DNAH10: variants seen among roughly 807,000 people sequenced by gnomAD.
DNAH10 encodes the protein dynein axonemal heavy chain 10, also known as axonemal beta dynein heavy chain 10.
A neutral mutation model predicts 506.6 loss-of-function variants in DNAH10; 348 were observed. That is an observed-to-expected ratio of 0.69 (90% CI 0.63 to 0.75). DNAH10 has a LOEUF of 0.75. Among genes scored for constraint, DNAH10 ranks in the 30% least tolerant of loss-of-function variants. The pLI is 0.00. For synonymous variants in DNAH10, 2,059 were observed against 2,198.6 expected (o/e 0.94, Z 1.78); for missense variants, 5,179 against 5,787.1 (o/e 0.89, Z 3.41).
intron 53 of DNAH10, among the ~76,000 whole-genome samples, chr12:123,894,147 G>A (rs1953116185): frequency 7.3e-6 from 1 of 137,548 alleles, no homozygotes; most frequent in Non-Finnish European, 1.5e-5. Context: ...TTAGAGTGCA[G>A]TGGCACCATC....
chr12:123,820,547 A>C (rs777394519), intron 23 of DNAH10, 33 bp from the exon 24 acceptor site: 2 of 1,595,264 alleles, frequency 1.3e-6, no homozygotes, highest in East Asian at 4.5e-5. Flanking sequence ...TTAAAATTGT[A>C]TTTATTCACT....
At chr12:123,799,927 T>C (rs1474529172) in intron 14 of DNAH10, among the ~76,000 whole-genome samples, 1 of 152,092 alleles carries the variant, frequency 6.6e-6, no homozygotes, top group African/African-American at 2.4e-5. Context: ...TGGGCTCAGA[T>C]CCGACCAAAG....
chr12:123,849,044 A>C (rs1455700194), intron 34 of DNAH10, among the ~76,000 whole-genome samples, 162 bp downstream of exon 34: 2 of 152,216 alleles, frequency 1.3e-5, no homozygotes, highest in Non-Finnish European at 2.9e-5. Flanking sequence ...GGGTTTCCAA[A>C]ATTATCATCA....
At chr12:123,932,194 T>G (rs540245744) in intron 76 of DNAH10, 86 bp downstream of exon 76, 251 of 1,506,048 alleles carry the variant, frequency 1.7e-4, no homozygotes, top group Non-Finnish European at 2.3e-4. Flanking sequence ...CTCTTTCCAT[T>G]GCCCAGCAGT....
chr12:123,806,962 G>A (rs1958700256), intron 18 of DNAH10, among the ~76,000 whole-genome samples: 2 of 152,120 alleles, frequency 1.3e-5, no homozygotes, highest in Admixed American at 1.3e-4. Context: ...TAGAGACGGA[G>A]TTCCACTGTG....
intron 39 of DNAH10, among the ~76,000 whole-genome samples, chr12:123,863,076 A>G (rs559525346): frequency 6.0e-4 from 92 of 152,340 alleles, no homozygotes; most frequent in African/African-American, 2.2e-3. Context: ...AAAAAAATAC[A>G]GGAAGGAAAT....
chr12:123,776,892 G>T (rs1215639883), intron 5 of DNAH10, among the ~76,000 whole-genome samples: 1 of 152,088 alleles, frequency 6.6e-6, no homozygotes. Flanking sequence ...CATTAACCAA[G>T]ATCAATGAGA....
chr12:123,804,112 G>A (rs542894108), intron 17 of DNAH10, among the ~76,000 whole-genome samples: 2 of 152,116 alleles, frequency 1.3e-5, no homozygotes, highest in East Asian at 3.9e-4. Context: ...GGCTGGTCTT[G>A]GACTCCTGGC....
chr12:123,793,909 G>T, intron 11 of DNAH10, 33 bp from the exon 12 acceptor site: 1 of 1,172,340 alleles, frequency 8.5e-7, no homozygotes, highest in Non-Finnish European at 1.1e-6. Context: ...TAATTACAGG[G>T]GCATGAGGGT....
chr12:123,770,486 GATTTT>G (rs1957210308), intron 2 of DNAH10, among the ~76,000 whole-genome samples: 1 of 87,538 alleles, frequency 1.1e-5, no homozygotes, highest in East Asian at 5.7e-4. Flanking sequence ...TCGTAAGTGT[GATTTT>G]TTTTTTTTTT....
At chr12:123,905,131 C>A (rs1296690486) in intron 57 of DNAH10, among the ~76,000 whole-genome samples, 1 of 152,190 alleles carries the variant, frequency 6.6e-6, no homozygotes, top group African/African-American at 2.4e-5. Context: ...CTTTCTGCAT[C>A]TTTTCTGCTT....
At chr12:123,885,623 G>C (rs776352717) in intron 51 of DNAH10, among the ~76,000 whole-genome samples, 6 of 152,136 alleles carry the variant, frequency 3.9e-5, no homozygotes, top group Non-Finnish European at 7.3e-5. Context: ...CTTTGGAGTG[G>C]AAAGGACCTG....
At chr12:123,797,253 T>C (rs962414060) in intron 13 of DNAH10, among the ~76,000 whole-genome samples, 1 of 152,220 alleles carries the variant, frequency 6.6e-6, no homozygotes, top group Non-Finnish European at 1.5e-5. Flanking sequence ...GCTGCCGCCA[T>C]GCAGCACGCT....
Position 123,914,540 on chromosome 12 carries a change from G to A in DNAH10, c.10564G>A (p.Glu3522Lys). The change falls in exon 61 of 79, where the codon GAG becomes AAG. Residue 3522 changes from glutamate to lysine, a missense_variant. By Grantham distance (56) the Glu-to-Lys change is moderately conservative. Around this residue, in one of 3 missense-constraint regions of DNAH10, gnomAD observed 4,844 missense variants for 5,430.5 expected, o/e 0.89. Transcript: ENST00000673944. ...GGAAAGCCTGCTCACGGATGATGTT[G>A]AGATCAGCAGGTGTGTGGCACCCTG... is the stretch of plus-strand genomic sequence containing the variant. ...RLESLLTDDV[E>K]ISRWGSQGLP... The A allele has an allele frequency of 6.2e-7, 1 of 1,612,850 alleles. No individual in the cohort carries two copies. The highest frequency in any genetic ancestry group is 8.5e-7 in the Non-Finnish European group (1 of 1,179,600).
intron 19 of DNAH10, among the ~76,000 whole-genome samples, chr12:123,809,383 C>T (rs1338875216): frequency 2.0e-5 from 3 of 152,160 alleles, no homozygotes; most frequent in South Asian, 2.1e-4. Flanking sequence ...CAGTGGCTCA[C>T]GCCTGTTATC....
intron 54 of DNAH10, among the ~76,000 whole-genome samples, chr12:123,897,362 A>C (rs1953300098): frequency 6.6e-6 from 1 of 152,224 alleles, no homozygotes; most frequent in South Asian, 2.1e-4. Flanking sequence ...GTATATACCT[A>C]GGAGTGGAAT....
At chr12:123,935,238 C>T in intron 78 of DNAH10, 97 bp from the exon 79 acceptor site, 1 of 1,462,564 alleles carries the variant, frequency 6.8e-7, no homozygotes, top group African/African-American at 1.4e-5. Flanking sequence ...CAGTCTTGCA[C>T]AGGGGCCCCT....
rs376111186 is a variant in DNAH10 at position 123,845,589 on chromosome 12, G to A, written c.5361-11G>A. 91 of 1,611,654 alleles carry A rather than the reference G, an allele frequency of 5.6e-5. No individual in the cohort carries two copies. The South Asian group carries it at 6.2e-4, about 11-fold the overall frequency. ...TGATCAGAGCCTCTTACAGGTGTGC[G>A]TTTTCTGCAGAGTCGACTGGATGCT... On this transcript the variant is annotated splice_polypyrimidine_tract_variant and intron_variant, in intron 30 of 78. Transcript: ENST00000673944.
chr12:123,867,846 A>G (rs1052696434), intron 42 of DNAH10, 57 bp from the exon 43 acceptor site: 6 of 1,540,272 alleles, frequency 3.9e-6, no homozygotes, highest in Non-Finnish European at 5.3e-6. Context: ...TATGACTGGA[A>G]TGGACTCTGT....
Sources: gnomAD v4.1 joint callset for allele counts (sites outside exome capture counted in the v4.1 genomes callset) on GRCh38, gnomAD v4.1.1 for gene constraint, gnomAD v4.1.1 regional missense constraint, MANE v1.5 for transcripts, NCBI Gene and HGNC (gene_info 2026-07-23, HGNC 2026-07-21) for gene names.